Variants in PDE11A observed in about 807,000 individuals in gnomAD.
The protein encoded by PDE11A is dual 3',5'-cyclic-AMP and -GMP phosphodiesterase 11A.
A neutral mutation model predicts 100.5 loss-of-function variants in PDE11A; 100 were observed. The ratio of observed to expected loss-of-function variants is 1.00; its 90% CI spans 0.85 to 1.18. The LOEUF is 1.18. PDE11A is among the 50% of genes most tolerant of loss of function. The probability of loss-of-function intolerance (pLI) is 0.00; values close to 1 mark genes in which losing one functional copy is unlikely to be tolerated. For missense variants in PDE11A, 1,141 were observed against 1,152.6 expected (o/e 0.99, Z 0.15); for synonymous variants, 381 against 420.8 (o/e 0.91, Z 1.16).
chr2:177,845,131 C>T (rs1239880741), intron 5 of PDE11A, among the ~76,000 whole-genome samples: 3 of 152,054 alleles, frequency 2.0e-5, no homozygotes, highest in African/African-American at 7.2e-5. Context: ...AGAGGCGCTC[C>T]TCACCTCCCG....
At chr2:177,869,251 G>A (rs116074651) in intron 5 of PDE11A, among the ~76,000 whole-genome samples, 93 of 152,292 alleles carry the variant, frequency 6.1e-4, no homozygotes, top group African/African-American at 2.0e-3. Context: ...TCATCATGAC[G>A]TGCTGGATTT....
chr2:178,058,848 G>A (rs992046566), intron 1 of PDE11A, among the ~76,000 whole-genome samples: 1 of 152,058 alleles, frequency 6.6e-6, no homozygotes, highest in African/African-American at 2.4e-5. Flanking sequence ...AATTACTATG[G>A]AAGTTAGTGG....
chr2:177,929,008 A>G (rs1338209545), intron 2 of PDE11A, among the ~76,000 whole-genome samples: 1 of 150,410 alleles, frequency 6.6e-6, no homozygotes, highest in East Asian at 1.9e-4. Context: ...TGGGGGGATG[A>G]TTAAAAAAAA....
chr2:177,924,602 CAG>C (rs1042940699), intron 2 of PDE11A, among the ~76,000 whole-genome samples: 8 of 152,158 alleles, frequency 5.3e-5, no homozygotes, highest in African/African-American at 1.9e-4. Context: ...CCTTCTAAAA[CAG>C]GGCACAATCT....
intron 2 of PDE11A, among the ~76,000 whole-genome samples, chr2:178,005,364 T>A (rs539753107): frequency 1.7e-4 from 26 of 152,040 alleles, no homozygotes; most frequent in African/African-American, 6.3e-4. Flanking sequence ...AAATTACATA[T>A]CCTGGCCAGA....
At chr2:177,735,937 G>A (rs1454186056) in intron 10 of PDE11A, among the ~76,000 whole-genome samples, 1 of 152,222 alleles carries the variant, frequency 6.6e-6, no homozygotes, top group Non-Finnish European at 1.5e-5. Flanking sequence ...AATTTTAGTT[G>A]TGGCAGGTGG....
chr2:177,930,923 A>T (rs2085197032), intron 2 of PDE11A, among the ~76,000 whole-genome samples: 1 of 152,186 alleles, frequency 6.6e-6, no homozygotes, highest in South Asian at 2.1e-4. Context: ...AAAGCCCCAG[A>T]ACTTTCATAT....
chr2:177,654,201 C>T (rs888005444), intron 19 of PDE11A, among the ~76,000 whole-genome samples: 3 of 152,136 alleles, frequency 2.0e-5, no homozygotes, highest in African/African-American at 7.2e-5. Context: ...GTCAATTGAT[C>T]GGAATACTAG....
At chr2:178,084,046 A>G (rs1216014986) in intron 2 of PDE11A, among the ~76,000 whole-genome samples, 1 of 152,224 alleles carries the variant, frequency 6.6e-6, no homozygotes, top group Non-Finnish European at 1.5e-5. Context: ...TGTATAGAAA[A>G]AAACTATATA....
intron 1 of PDE11A, among the ~76,000 whole-genome samples, chr2:178,035,439 C>A (rs1664334382): frequency 6.6e-6 from 1 of 152,184 alleles, no homozygotes; most frequent in African/African-American, 2.4e-5. Flanking sequence ...CCAAATTCTA[C>A]CAGAGGTACA....
At chr2:177,902,607 T>C (rs1271341975) in intron 3 of PDE11A, among the ~76,000 whole-genome samples, 2 of 152,234 alleles carry the variant, frequency 1.3e-5, no homozygotes, top group Non-Finnish European at 2.9e-5. Context: ...CTTTCCATTC[T>C]CTTATCTACA....
At chr2:177,713,300 C>G (rs962156766) in intron 12 of PDE11A, among the ~76,000 whole-genome samples, 3 of 152,192 alleles carry the variant, frequency 2.0e-5, no homozygotes, top group African/African-American at 4.8e-5. Flanking sequence ...TGAGCCTCCA[C>G]GCCTGGCTGA....
intron 4 of PDE11A, among the ~76,000 whole-genome samples, chr2:177,878,107 A>C (rs1010213977): frequency 6.6e-6 from 1 of 152,252 alleles, no homozygotes; most frequent in Non-Finnish European, 1.5e-5. Flanking sequence ...CTGTGTGACC[A>C]GATGAATGTA....
intron 2 of PDE11A, among the ~76,000 whole-genome samples, chr2:178,001,805 G>C (rs1209976505): frequency 6.6e-6 from 1 of 152,166 alleles, no homozygotes; most frequent in Non-Finnish European, 1.5e-5. Context: ...GAAGCTTACT[G>C]AATAGAGTAT....
chr2:177,959,880 AT>A (rs2085610757), intron 2 of PDE11A, among the ~76,000 whole-genome samples: 1 of 152,190 alleles, frequency 6.6e-6, no homozygotes, highest in Non-Finnish European at 1.5e-5. Flanking sequence ...AATTTTCGGT[AT>A]TAGAAATACT....
intron 2 of PDE11A, among the ~76,000 whole-genome samples, chr2:178,009,125 C>T (rs1487712724): frequency 6.6e-6 from 1 of 152,140 alleles, no homozygotes; most frequent in Admixed American, 6.5e-5. Context: ...GCTGGCGTGC[C>T]CACACATCTT....
intron 5 of PDE11A, among the ~76,000 whole-genome samples, chr2:177,870,781 A>G (rs539366436): frequency 2.6e-4 from 40 of 152,378 alleles, no homozygotes; most frequent in African/African-American, 9.1e-4. Context: ...ATTCATGTGC[A>G]GTACTTAGCA....
In PDE11A at chr2:177,708,170, A is replaced by G. The variant is rs1031400744; in HGVS notation, c.2153+3599T>C. ...GTGCAGCATCAAGACAATGTATAAA[A>G]CAATGTTTCATTGCAGCTCTATTCA... On this transcript the variant is annotated intron_variant, in intron 13 of 19. Transcript: ENST00000286063. Among the ~76,000 whole-genome samples, 4 of 152,206 alleles carry G rather than the reference A, an allele frequency of 2.6e-5. No individual in the cohort carries two copies. The South Asian group carries it at 8.3e-4, about 31-fold the overall frequency.
chr2:177,669,521 T>C lies in PDE11A; in HGVS notation c.2534A>G (p.Glu845Gly). The change falls in exon 18 of 20, where the codon GAG becomes GGG. Residue 845 changes from glutamate to glycine, a missense_variant. Coordinates refer to ENST00000286063, the MANE Select transcript of PDE11A (RefSeq NM_016953.4). ...TSEFFEQGDRERLELKLTPSA... is the reference protein window; with the variant it reads ...TSEFFEQGDRGRLELKLTPSA... ...AGGAGTGAGTTTGAGCTCTAATCTC[T>C]CCCGATCTCCTTGTTCGAAGAACTC... The C allele has an allele frequency of 6.9e-7, 1 of 1,446,778 alleles. No homozygotes were observed. Among genetic ancestry groups the C allele is most frequent in the Non-Finnish European group, 9.7e-7 (1 of 1,027,610 alleles). The allele number at this position is 1,446,778 out of a possible 1,614,324, so 89.6% of individuals were successfully genotyped here.
Sources: allele counts gnomAD v4.1 joint callset (sites outside exome capture counted in the v4.1 genomes callset), GRCh38; gene constraint gnomAD v4.1.1; transcripts MANE v1.5; gene names NCBI Gene and HGNC (gene_info 2026-07-23, HGNC 2026-07-21).